The following PRKCD variants were observed in gnomAD, a reference collection of about 807,000 sequenced individuals.
PRKCD encodes the protein protein kinase C delta.
PRKCD carries 20 observed loss-of-function variants against 82.2 expected under a neutral mutation model. The ratio of observed to expected loss-of-function variants is 0.24; its 90% CI spans 0.17 to 0.35. The LOEUF (loss-of-function observed/expected upper bound fraction) is 0.35, where lower values mean the gene tolerates loss of function less well. Ranked by LOEUF, PRKCD falls within the 10% of genes least tolerant of loss-of-function variation. The pLI is 1.00. For missense variants in PRKCD, 607 were observed against 899.0 expected (o/e 0.68, Z 4.15); for synonymous variants, 317 against 337.0 (o/e 0.94, Z 0.65).
intron 4 of PRKCD, among the ~76,000 whole-genome samples, chr3:53,180,193 A>G (rs1703384914): frequency 6.6e-6 from 1 of 151,042 alleles, no homozygotes; most frequent in East Asian, 1.9e-4. Flanking sequence ...ACATAGTAAA[A>G]CATTTTTAAC....
At chr3:53,170,484 A>G (rs1467013817) in intron 2 of PRKCD, among the ~76,000 whole-genome samples, 5 of 151,982 alleles carry the variant, frequency 3.3e-5, no homozygotes, top group Non-Finnish European at 7.4e-5. Flanking sequence ...GTGACCTTCA[A>G]CCTCCACCAT....
intron 18 of PRKCD, 145 bp from the exon 19 acceptor site, chr3:53,191,963 C>T: frequency 1.3e-6 from 1 of 780,768 alleles, no homozygotes; most frequent in Non-Finnish European, 2.0e-6. Flanking sequence ...CATGGGGCTC[C>T]TTTCAGGCTG....
At position 53,178,196 on chromosome 3, in the gene PRKCD, C is replaced by A. The variant is rs112724859; in HGVS notation, c.-19-208C>A. 0.12 allele frequency among the ~76,000 whole-genome samples: 18,028 copies of A among 152,194 alleles called. 1,319 individuals carry two copies. Among genetic ancestry groups the A allele is most frequent in the Non-Finnish European group, 0.17 (11,433 of 67,980 alleles). ...CAGGCCATCTGCCTACCTTGGCCTCCCAAAGTGCTGGGATTACAGGCGTCA... is the reference window on the plus strand; with the variant it reads ...CAGGCCATCTGCCTACCTTGGCCTCACAAAGTGCTGGGATTACAGGCGTCA... On this transcript the variant is annotated intron_variant, in intron 2 of 18. Transcript: ENST00000330452.
At chr3:53,161,673 G>C (rs1403887565) in intron 1 of PRKCD, 1 of 150,740 alleles carries the variant, frequency 6.6e-6, no homozygotes, top group Non-Finnish European at 1.5e-5. Context: ...ACCCGCCCGT[G>C]TGTCTCCCGC....
At position 53,162,695 on chromosome 3, in the gene PRKCD, C is replaced by CGTGTGT. The variant is rs34874901; in HGVS notation, c.-132+1288_-132+1293dup. ...TTGGTGTGTTTGTTGTCACCAGACTCGTGTGTGTGTGTGTGTGTGTGTGTG... is the reference window on the plus strand; with the variant it reads ...TTGGTGTGTTTGTTGTCACCAGACTCGTGTGTGTGTGTGTGTGTGTGTGTGTGTGTG... On this transcript the variant is annotated intron_variant, in intron 1 of 18. Coordinates refer to ENST00000330452, the MANE Select transcript of PRKCD (RefSeq NM_006254.4). Among the ~76,000 whole-genome samples the CGTGTGT allele has an allele frequency of 4.3e-4, 64 of 148,074 alleles. 1 individual carries two copies. The highest frequency in any genetic ancestry group is 2.2e-3 in the East Asian group (11 of 4,960).
intron 5 of PRKCD, 51 bp downstream of exon 5, chr3:53,181,318 G>A (rs1553667439): frequency 3.7e-6 from 6 of 1,610,302 alleles, no homozygotes; most frequent in South Asian, 1.1e-5. Flanking sequence ...CAGAGGCAGA[G>A]CCAGCACTGA....
At position 53,168,317 on chromosome 3, in the gene PRKCD, T is replaced by C. The variant is rs144162308; in HGVS notation, c.-20+3102T>C. On this transcript the variant is annotated intron_variant, in intron 2 of 18. Coordinates refer to ENST00000330452, the MANE Select transcript of PRKCD (RefSeq NM_006254.4). Reference sequence around the variant, plus strand: ...GCCTGTCCCAGGGACACGAAGAAGGTCAGCACAGTTAGGGTTGGGCTAAGC... The same window carrying C: ...GCCTGTCCCAGGGACACGAAGAAGGCCAGCACAGTTAGGGTTGGGCTAAGC... Among the ~76,000 whole-genome samples the C allele has an allele frequency of 3.2e-3, 480 of 152,258 alleles. 2 individuals are homozygous for C. Among genetic ancestry groups the C allele is most frequent in the African/African-American group, 0.011 (454 of 41,560 alleles).
intron 9 of PRKCD, 22 bp downstream of exon 9, chr3:53,183,603 G>T (rs782602641): frequency 6.2e-7 from 1 of 1,612,030 alleles, no homozygotes. Context: ...CCCGCCCCTG[G>T]GCTGCAGGAG....
At chr3:53,179,900 C>A in intron 4 of PRKCD, 124 bp downstream of exon 4, 1 of 1,249,502 alleles carries the variant, frequency 8.0e-7, no homozygotes, top group South Asian at 1.4e-5. Context: ...GAGCACCGGG[C>A]CCTGTGCTGG....
chr3:53,163,796 A>G (rs1160842673), intron 1 of PRKCD, among the ~76,000 whole-genome samples: 1 of 152,066 alleles, frequency 6.6e-6, no homozygotes, highest in Non-Finnish European at 1.5e-5. Flanking sequence ...TCCTTGACCA[A>G]GCAGCTTGAG....
At chr3:53,183,614 G>A (rs782648069) in intron 9 of PRKCD, 33 bp downstream of exon 9, 5 of 1,610,220 alleles carry the variant, frequency 3.1e-6, no homozygotes, top group East Asian at 2.2e-5. Context: ...GCTGCAGGAG[G>A]GGCACTCCCA....
In PRKCD at chr3:53,189,902, G is replaced by A. The variant is rs1553670436; in HGVS notation, c.1773G>A (p.Leu591=). ...KLFEREPTKR[L]GVTGNIKIHP... The stretch of plus-strand genomic sequence containing the variant: ...TTGAAAGGGAACCAACCAAGAGGCT[G>A]GGAGTGACCGGAAACATCAAAATCC... Residue 591 remains leucine (L), a synonymous_variant, in exon 18 of 19, where the codon CTG becomes CTA. Coordinates refer to ENST00000330452, the MANE Select transcript of PRKCD (RefSeq NM_006254.4). 1 of 1,614,080 alleles carries A rather than the reference G, an allele frequency of 6.2e-7. No individual in the cohort carries two copies. Among genetic ancestry groups the A allele is most frequent in the African/African-American group, 1.3e-5 (1 of 74,926 alleles).
In PRKCD at chr3:53,192,226, C is replaced by T; in HGVS notation, c.1991C>T (p.Ser664Phe). Residue 664 changes from serine (S) to phenylalanine (F), a missense_variant, in exon 19 of 19, where the codon TCC (serine) becomes TTC (phenylalanine). Physicochemically the swap from Ser to Phe is radical, Grantham distance 155. This residue lies in a region of PRKCD where 251 missense variants were observed against 423.9 expected (regional missense o/e 0.59). Coordinates refer to ENST00000330452, the MANE Select transcript of PRKCD (RefSeq NM_006254.4). ...SMDQSAFAGF[S>F]FVNPKFEHLL... ...GACCAGTCTGCATTCGCTGGCTTCT[C>T]CTTTGTGAACCCCAAATTCGAGCAC... 1 of 1,614,160 alleles carries T rather than the reference C, an allele frequency of 6.2e-7. No homozygotes were observed. Among genetic ancestry groups the T allele is most frequent in the Non-Finnish European group, 8.5e-7 (1 of 1,180,038 alleles).
intron 2 of PRKCD, among the ~76,000 whole-genome samples, chr3:53,167,630 G>A (rs558902158): frequency 2.6e-5 from 4 of 152,378 alleles, no homozygotes; most frequent in East Asian, 3.9e-4. Flanking sequence ...AAAGTAGCTG[G>A]CATCGTGCTT....
chr3:53,172,338 G>A (rs111397069), intron 2 of PRKCD, among the ~76,000 whole-genome samples: 203 of 152,152 alleles, frequency 1.3e-3, no homozygotes, highest in Non-Finnish European at 2.4e-3. Flanking sequence ...CCACCCACCT[G>A]CCTACCCAAC....
intron 2 of PRKCD, among the ~76,000 whole-genome samples, chr3:53,174,345 G>C (rs112127519): frequency 9.8e-5 from 15 of 152,320 alleles, no homozygotes; most frequent in African/African-American, 3.4e-4. Context: ...GAAAGGCCTG[G>C]CTGGCCTCAG....
At chr3:53,183,697 A>G (rs1415818340) in intron 9 of PRKCD, 116 bp downstream of exon 9, 23 of 1,410,568 alleles carry the variant, frequency 1.6e-5, no homozygotes, top group African/African-American at 8.5e-5. Flanking sequence ...CACCTCATTC[A>G]GGGACCTGAT....
chr3:53,169,324 A>C lies in PRKCD; in HGVS notation c.-20+4109A>C, dbSNP rs536979853. ...GGCCCAAAGTAGAGACGGGAGCCTA[A>C]AGCCAGGATTGGGGAGGAGAGGGCT... On this transcript the variant is annotated intron_variant, in intron 2 of 18. Coordinates refer to ENST00000330452, the MANE Select transcript of PRKCD (RefSeq NM_006254.4). This position sits in a 1 kb window ranked among gnomAD's most constrained non-coding sequence, Gnocchi z 4.7. Among the ~76,000 whole-genome samples, 1 of 152,256 alleles carries C rather than the reference A, an allele frequency of 6.6e-6. No homozygotes were observed. Among genetic ancestry groups the C allele is most frequent in the African/African-American group, 2.4e-5 (1 of 41,540 alleles).
chr3:53,186,765 G>A (rs1703712691), intron 14 of PRKCD, 70 bp downstream of exon 14: 3 of 1,424,344 alleles, frequency 2.1e-6, no homozygotes, highest in Non-Finnish European at 9.7e-7. Context: ...CCCACTTCCA[G>A]TCTGCCCTCC....
Sources: gnomAD v4.1 joint callset for allele counts (sites outside exome capture counted in the v4.1 genomes callset) on GRCh38, gnomAD v4.1.1 for gene constraint, gnomAD v4.1.1 regional missense constraint, Gnocchi (gnomAD v3.1) non-coding constraint, MANE v1.5 for transcripts, NCBI Gene and HGNC (gene_info 2026-07-23, HGNC 2026-07-21) for gene names.